Variants in TMEM181 observed in about 807,000 individuals in gnomAD.
TMEM181 encodes G protein-coupled receptor 178.
TMEM181 carries 39 observed loss-of-function variants against 71.9 expected under a neutral mutation model. That is an observed-to-expected ratio of 0.54 (90% CI 0.42 to 0.71). The LOEUF (loss-of-function observed/expected upper bound fraction) is 0.71. TMEM181 is among the 30% of genes least tolerant of loss of function. TMEM181 has a pLI of 0.00. For missense variants in TMEM181, 595 were observed against 583.0 expected (o/e 1.02, Z -0.21); for synonymous variants, 245 against 228.8 (o/e 1.07, Z -0.64).
rs533254166 is a variant in TMEM181, at chr6:158,586,529, G to A, written c.381+1104G>A. ...CTAAACCATTGCCCAAGGTAACGCA[G>A]ATATTAAGTGGAGGGCCCAGGATTT... On this transcript the variant is annotated intron_variant, in intron 5 of 16. Coordinates refer to ENST00000684151, the MANE Select transcript of TMEM181 (RefSeq NM_001376852.1). Among the ~76,000 whole-genome samples the A allele has an allele frequency of 1.7e-4, 26 of 152,342 alleles. No individual in the cohort carries two copies. In the South Asian group the frequency reaches 5.2e-3, roughly 30 times the overall value.
At chr6:158,562,173 TA>T (rs975032455) in intron 1 of TMEM181, among the ~76,000 whole-genome samples, 3 of 152,180 alleles carry the variant, frequency 2.0e-5, no homozygotes, top group African/African-American at 7.2e-5. Flanking sequence ...GCCTGCTCTT[TA>T]AAAATGTAGG....
chr6:158,561,428 C>T (rs1782165211), intron 1 of TMEM181, among the ~76,000 whole-genome samples: 1 of 152,210 alleles, frequency 6.6e-6, no homozygotes, highest in Admixed American at 6.5e-5. Flanking sequence ...TCTTGTGCGG[C>T]CTATGTAAAT....
chr6:158,539,280 T>C (rs1009909715), intron 1 of TMEM181, among the ~76,000 whole-genome samples: 1 of 152,206 alleles, frequency 6.6e-6, no homozygotes, highest in Non-Finnish European at 1.5e-5. Flanking sequence ...TGTTTTATAG[T>C]GAGAAGATGT....
intron 13 of TMEM181, chr6:158,626,447 A>G (rs947690112): frequency 2.2e-6 from 1 of 456,686 alleles, no homozygotes; most frequent in Non-Finnish European, 4.4e-6. Context: ...TGGATGGCAA[A>G]TAAGCGGATG....
chr6:158,611,067 G>C (rs547479570), intron 10 of TMEM181: 1 of 464,010 alleles, frequency 2.2e-6, no homozygotes, highest in East Asian at 5.3e-5. Flanking sequence ...AGAAACTCGA[G>C]GGGTGGAGAG....
intron 10 of TMEM181, among the ~76,000 whole-genome samples, chr6:158,618,844 T>C (rs1056744974): frequency 6.6e-6 from 1 of 152,258 alleles, no homozygotes; most frequent in African/African-American, 2.4e-5. Context: ...TTGTAGAGTT[T>C]CTGCTGAGAG....
At chr6:158,564,113 A>C (rs1030993490) in intron 1 of TMEM181, among the ~76,000 whole-genome samples, 14 of 152,214 alleles carry the variant, frequency 9.2e-5, no homozygotes, top group Non-Finnish European at 1.9e-4. Context: ...GAAATGACTT[A>C]TACCCAAGTT....
At chr6:158,546,796 C>G (rs1179508696) in intron 1 of TMEM181, among the ~76,000 whole-genome samples, 1 of 150,338 alleles carries the variant, frequency 6.7e-6, no homozygotes, top group African/African-American at 2.5e-5. Flanking sequence ...CCCATCTCTA[C>G]TAAAAATACA....
rs919758147 is a variant in TMEM181 at position 158,632,085 on chromosome 6, CGAG to C, written c.*198_*200del. On this transcript the variant is annotated 3_prime_UTR_variant, in exon 17 of 17. Transcript: ENST00000684151. ...GCCAAATTTATTGTCATGGTGGCTA[CGAG>C]AAGAGGCATTGATAACAAGTTTCAA... The C allele has an allele frequency of 1.6e-5, 9 of 562,628 alleles. No individual in the cohort carries two copies. Among genetic ancestry groups the C allele is most frequent in the African/African-American group, 7.5e-5 (4 of 53,314 alleles). 34.9% of individuals were successfully genotyped at this position (562,628 alleles called of 1,614,324 possible).
rs112038969 is a variant in TMEM181 at position 158,571,371 on chromosome 6, T to C, written c.9-2049T>C. ...TTGGCCTCCCAAAGTGCTGGGATTA[T>C]AGGCGTGATCTGCCCGCCTTGGCCT... is the stretch of plus-strand genomic sequence containing the variant. On this transcript the variant is annotated intron_variant, in intron 1 of 16. Coordinates refer to ENST00000684151, the MANE Select transcript of TMEM181 (RefSeq NM_001376852.1). Among the ~76,000 whole-genome samples the C allele has an allele frequency of 9.2e-3, 1,225 of 133,590 alleles. 92 individuals are homozygous for C. Among genetic ancestry groups the C allele is most frequent in the African/African-American group, 0.031 (984 of 32,238 alleles). The allele number at this position is 133,590 out of a possible 152,430, so 87.6% of individuals were successfully genotyped here.
At chr6:158,570,413 T>A (rs917259826) in intron 1 of TMEM181, among the ~76,000 whole-genome samples, 14 of 151,794 alleles carry the variant, frequency 9.2e-5, no homozygotes, top group Non-Finnish European at 1.8e-4. Context: ...TTTTTTTTTT[T>A]TGTAGTTTCA....
At chr6:158,576,087 G>A (rs1783137746) in intron 2 of TMEM181, among the ~76,000 whole-genome samples, 1 of 152,196 alleles carries the variant, frequency 6.6e-6, no homozygotes, top group South Asian at 2.1e-4. Context: ...TTAGCCAACA[G>A]CTGCAGTGGC....
chr6:158,561,087 C>G (rs1275871866), intron 1 of TMEM181, among the ~76,000 whole-genome samples: 3 of 152,166 alleles, frequency 2.0e-5, no homozygotes, highest in Non-Finnish European at 2.9e-5. Flanking sequence ...CTGAAGGCAG[C>G]CTCCGAGGGG....
intron 1 of TMEM181, among the ~76,000 whole-genome samples, chr6:158,569,970 T>C (rs965455522): frequency 6.6e-6 from 1 of 152,158 alleles, no homozygotes. Flanking sequence ...ACTGTGCTAG[T>C]AGGGGGTCAA....
At chr6:158,569,026 A>C (rs2128290724) in intron 1 of TMEM181, among the ~76,000 whole-genome samples, 1 of 152,074 alleles carries the variant, frequency 6.6e-6, no homozygotes, top group East Asian at 1.9e-4. Flanking sequence ...ACCCAGGCTG[A>C]GTGCAGTGGT....
intron 10 of TMEM181, among the ~76,000 whole-genome samples, chr6:158,612,988 CT>C (rs1785417024): frequency 6.6e-6 from 1 of 152,182 alleles, no homozygotes; most frequent in African/African-American, 2.4e-5. Context: ...AAGAGTGAGA[CT>C]GAGTCAGATG....
At chr6:158,598,360 T>C (rs1007549691) in intron 6 of TMEM181, among the ~76,000 whole-genome samples, 1 of 152,218 alleles carries the variant, frequency 6.6e-6, no homozygotes, top group Non-Finnish European at 1.5e-5. Flanking sequence ...TCCTCCATTT[T>C]CTTCTAAGCC....
intron 6 of TMEM181, among the ~76,000 whole-genome samples, chr6:158,597,857 T>G (rs1169222678): frequency 2.6e-5 from 4 of 152,142 alleles, no homozygotes; most frequent in Non-Finnish European, 5.9e-5. Flanking sequence ...AGAGTCCTTA[T>G]GACTTAATCA....
chr6:158,623,799 C>A (rs1426178753), intron 11 of TMEM181, among the ~76,000 whole-genome samples, 192 bp downstream of exon 11: 1 of 149,892 alleles, frequency 6.7e-6, no homozygotes, highest in Non-Finnish European at 1.5e-5. Context: ...CTTGCTCTGT[C>A]GCCCAGGCTG....
Sources: gnomAD v4.1 joint callset for allele counts (sites outside exome capture counted in the v4.1 genomes callset) on GRCh38, gnomAD v4.1.1 for gene constraint, MANE v1.5 for transcripts, NCBI Gene and HGNC (gene_info 2026-07-23, HGNC 2026-07-21) for gene names.